Variants in KIF2A observed in about 807,000 individuals in gnomAD.
KIF2A encodes kinesin family member 2A.
In KIF2A, 22 loss-of-function variants were observed where a neutral mutation model predicts 100.2. The observed-to-expected ratio is 0.22, with a 90% CI of 0.16 to 0.31. KIF2A has a LOEUF of 0.31. KIF2A is among the 10% of genes least tolerant of loss of function. The pLI is 1.00. For missense variants in KIF2A, 495 were observed against 898.7 expected (o/e 0.55, Z 5.74); for synonymous variants, 268 against 285.9 (o/e 0.94, Z 0.63).
At chr5:62,335,236 T>C (rs1001839067) in intron 1 of KIF2A, among the ~76,000 whole-genome samples, 6 of 152,078 alleles carry the variant, frequency 3.9e-5, no homozygotes, top group Non-Finnish European at 8.8e-5. Flanking sequence ...AGGGTTGGAG[T>C]TGGGGCTAGG....
At chr5:62,344,241 G>A (rs1012821209) in intron 1 of KIF2A, among the ~76,000 whole-genome samples, 9 of 152,038 alleles carry the variant, frequency 5.9e-5, no homozygotes, top group Admixed American at 2.6e-4. Context: ...CTACTCAGGA[G>A]GCTGAGGCAG....
At chr5:62,368,871 C>T (rs1741200755) in intron 16 of KIF2A, among the ~76,000 whole-genome samples, 1 of 151,844 alleles carries the variant, frequency 6.6e-6, no homozygotes, top group Admixed American at 6.6e-5. Context: ...GAGCTCCTAG[C>T]TGCAAATCCT....
chr5:62,340,888 A>G (rs1747261402), intron 1 of KIF2A, among the ~76,000 whole-genome samples: 1 of 152,168 alleles, frequency 6.6e-6, no homozygotes, highest in Admixed American at 6.5e-5. Flanking sequence ...ACGACAATTA[A>G]AAAATATTTA....
At chr5:62,307,673 A>C (rs1222170794) in intron 1 of KIF2A, among the ~76,000 whole-genome samples, 1 of 148,322 alleles carries the variant, frequency 6.7e-6, no homozygotes, top group African/African-American at 2.5e-5. Context: ...GCTGGAGTGC[A>C]GTGGTGCGAT....
chr5:62,308,101 C>T (rs1040355291), intron 1 of KIF2A, among the ~76,000 whole-genome samples: 3 of 152,094 alleles, frequency 2.0e-5, no homozygotes, highest in African/African-American at 7.2e-5. Context: ...ATGATTTTTT[C>T]CTCCGTTATA....
At chr5:62,329,830 C>T (rs2111840529) in intron 1 of KIF2A, among the ~76,000 whole-genome samples, 1 of 152,254 alleles carries the variant, frequency 6.6e-6, no homozygotes. Context: ...CTTGAAGGAG[C>T]ATCCTTTTAG....
intron 1 of KIF2A, among the ~76,000 whole-genome samples, chr5:62,330,425 A>C (rs2111842411): frequency 6.6e-6 from 1 of 152,330 alleles, no homozygotes; most frequent in Non-Finnish European, 1.5e-5. Flanking sequence ...GAAGTGGCAA[A>C]GGTTTTACCA....
intron 1 of KIF2A, among the ~76,000 whole-genome samples, chr5:62,335,695 A>G (rs532584482): frequency 1.3e-5 from 2 of 152,290 alleles, no homozygotes; most frequent in African/African-American, 2.4e-5. Context: ...TCACCTCTCA[A>G]TGGAGGACAG....
At chr5:62,315,054 C>T (rs563794130) in intron 1 of KIF2A, among the ~76,000 whole-genome samples, 12 of 152,160 alleles carry the variant, frequency 7.9e-5, no homozygotes, top group African/African-American at 2.9e-4. Flanking sequence ...TGAGCCACTA[C>T]ACCCGGCCTT....
chr5:62,322,790 A>T (rs1746163784), intron 1 of KIF2A, among the ~76,000 whole-genome samples: 1 of 151,780 alleles, frequency 6.6e-6, no homozygotes, highest in Non-Finnish European at 1.5e-5. Context: ...ACAGCACAAA[A>T]CCAGGCATTA....
intron 1 of KIF2A, among the ~76,000 whole-genome samples, chr5:62,335,316 C>T (rs11748930): frequency 0.23 from 35,461 of 152,126 alleles, 4,250 homozygotes; most frequent in Middle Eastern, 0.3. Context: ...ACCCAGTGCC[C>T]TGCTACCCGA....
intron 1 of KIF2A, among the ~76,000 whole-genome samples, chr5:62,344,049 A>G (rs10461472): frequency 6.6e-6 from 1 of 151,982 alleles, no homozygotes; most frequent in Non-Finnish European, 1.5e-5. Context: ...TTTCTCATCT[A>G]TAAATGCAGT....
intron 18 of KIF2A, among the ~76,000 whole-genome samples, chr5:62,376,482 C>T (rs148019139): frequency 0.012 from 1,809 of 152,110 alleles, 34 homozygotes; most frequent in African/African-American, 0.041. Context: ...TGCAATGGCA[C>T]GATCTCAGCT....
Position 62,355,168 on chromosome 5 carries a change from G to T in KIF2A, c.568G>T (p.Ala190Ser). Residue 190 changes from alanine (A) to serine (S), a missense_variant, in exon 7 of 21, where the codon GCT (alanine) becomes TCT (serine). Around this residue, in one of 10 missense-constraint regions of KIF2A, gnomAD observed 109 missense variants for 244.2 expected, o/e 0.45. Coordinates refer to ENST00000407818, the MANE Select transcript of KIF2A (RefSeq NM_001098511.3). ...LREKRAQDVD[A>S]TNPNYEIMCM... is the part of the protein sequence containing the mutation. ...CTCTGTCTTCTAATAGGACGTTGAT[G>T]CTACAAACCCAAATTATGAAATTAT... 6.5e-7 allele frequency: 1 copy of T among 1,543,256 alleles called. No homozygotes were observed. Among genetic ancestry groups the T allele is most frequent in the South Asian group, 1.1e-5 (1 of 87,804 alleles).
chr5:62,344,440 T>G (rs1359354582), intron 1 of KIF2A, among the ~76,000 whole-genome samples: 3 of 152,168 alleles, frequency 2.0e-5, no homozygotes, highest in African/African-American at 7.2e-5. Context: ...ATCTGACATA[T>G]TCATACTTAA....
At chr5:62,327,961 T>C (rs1040092084) in intron 1 of KIF2A, among the ~76,000 whole-genome samples, 3 of 152,230 alleles carry the variant, frequency 2.0e-5, no homozygotes, top group Non-Finnish European at 4.4e-5. Context: ...CTGTGAAAAG[T>C]TCACAGAATA....
At chr5:62,326,654 AT>A (rs1746393470) in intron 1 of KIF2A, among the ~76,000 whole-genome samples, 3 of 151,620 alleles carry the variant, frequency 2.0e-5, no homozygotes. Context: ...TTACTGAGTC[AT>A]TTCCATCAAT....
intron 11 of KIF2A, among the ~76,000 whole-genome samples, chr5:62,361,789 A>G (rs1354701416): frequency 6.6e-6 from 1 of 151,874 alleles, no homozygotes; most frequent in Non-Finnish European, 1.5e-5. Context: ...TGGGAGGCCA[A>G]GGTGGGTGGA....
intron 1 of KIF2A, among the ~76,000 whole-genome samples, chr5:62,324,961 T>G (rs1235266656): frequency 6.6e-6 from 1 of 151,886 alleles, no homozygotes; most frequent in Non-Finnish European, 1.5e-5. Context: ...ATGACAAAGG[T>G]CTCATTTCCA....
Sources: allele counts gnomAD v4.1 joint callset (sites outside exome capture counted in the v4.1 genomes callset), GRCh38; gene constraint gnomAD v4.1.1; regional missense constraint gnomAD v4.1.1; transcripts MANE v1.5; gene names NCBI Gene and HGNC (gene_info 2026-07-23, HGNC 2026-07-21).